FNDC3A: variants seen among roughly 807,000 people sequenced by gnomAD.
FNDC3A encodes the protein fibronectin type-III domain-containing protein 3A.
A neutral mutation model predicts 148.9 loss-of-function variants in FNDC3A; 32 were observed. The ratio of observed to expected loss-of-function variants is 0.21; its 90% CI spans 0.16 to 0.29. The LOEUF is 0.29. Among genes scored for constraint, FNDC3A ranks in the 10% least tolerant of loss-of-function variants. The pLI is 1.00. For missense variants in FNDC3A, 1,191 were observed against 1,452.8 expected, an observed-to-expected ratio of 0.82 and a Z score of 2.93; for synonymous variants, 472 against 473.6, an observed-to-expected ratio of 1.00 and a Z score of 0.04.
At chr13:49,016,142 C>G (rs529273094) in intron 2 of FNDC3A, among the ~76,000 whole-genome samples, 1 of 152,326 alleles carries the variant, frequency 6.6e-6, no homozygotes, top group East Asian at 1.9e-4. Context: ...AGGATTCCCT[C>G]TTTTTCTGTT....
intron 7 of FNDC3A, among the ~76,000 whole-genome samples, chr13:49,145,089 TAA>T (rs1882918463): frequency 6.6e-6 from 1 of 152,210 alleles, no homozygotes; most frequent in African/African-American, 2.4e-5. Flanking sequence ...ATACATATGT[TAA>T]GTTTATAGGA....
rs897199017 is a variant in FNDC3A at position 49,170,184 on chromosome 13, G to A, written c.1176+1433G>A. Reference sequence around the variant, plus strand: ...TATATACACACACAGTAATCAACATGGTTGGAAAAAGATATCATTGTCACT... The same window carrying A: ...TATATACACACACAGTAATCAACATAGTTGGAAAAAGATATCATTGTCACT... On this transcript the variant is annotated intron_variant, in intron 10 of 25. Coordinates refer to ENST00000492622, the MANE Select transcript of FNDC3A (RefSeq NM_001079673.2). Among the ~76,000 whole-genome samples, 7 of 152,146 alleles carry A rather than the reference G, an allele frequency of 4.6e-5. 1 individual carries two copies. Among genetic ancestry groups the A allele is most frequent in the African/African-American group, 1.7e-4 (7 of 41,498 alleles).
chr13:49,119,781 G>A (rs1260002456), intron 4 of FNDC3A, among the ~76,000 whole-genome samples: 1 of 151,964 alleles, frequency 6.6e-6, no homozygotes, highest in Non-Finnish European at 1.5e-5. Flanking sequence ...GTGAAGACAA[G>A]ATTAGAGAGA....
intron 19 of FNDC3A, 50 bp from the exon 20 acceptor site, chr13:49,196,826 TG>T: frequency 1.1e-6 from 1 of 929,052 alleles, no homozygotes; most frequent in Non-Finnish European, 1.7e-6. Flanking sequence ...GTGCAATCAG[TG>T]GACATTTAAG....
At chr13:49,170,411 A>G (rs539877361) in intron 10 of FNDC3A, among the ~76,000 whole-genome samples, 1 of 152,336 alleles carries the variant, frequency 6.6e-6, no homozygotes, top group Non-Finnish European at 1.5e-5. Flanking sequence ...CTAATCTAAA[A>G]GCATTCCTAT....
chr13:49,033,892 T>C (rs534535796), intron 2 of FNDC3A, among the ~76,000 whole-genome samples: 44 of 152,144 alleles, frequency 2.9e-4, no homozygotes, highest in Admixed American at 1.3e-3. Flanking sequence ...AGAATAATTT[T>C]ATTAAATCAA....
intron 8 of FNDC3A, among the ~76,000 whole-genome samples, chr13:49,152,691 C>T (rs1883390363): frequency 6.7e-6 from 1 of 149,084 alleles, no homozygotes; most frequent in South Asian, 2.2e-4. Flanking sequence ...ACCACAGTCC[C>T]CAGAGTGTGA....
intron 3 of FNDC3A, among the ~76,000 whole-genome samples, chr13:49,101,794 GTT>G (rs570292116): frequency 3.0e-4 from 31 of 103,354 alleles, no homozygotes; most frequent in African/African-American, 8.9e-4. Context: ...ACCTGCTTTA[GTT>G]TTTTTTTTTT....
intron 3 of FNDC3A, among the ~76,000 whole-genome samples, chr13:49,110,024 T>TA (rs1164363695): frequency 1.3e-5 from 2 of 152,210 alleles, no homozygotes; most frequent in Non-Finnish European, 2.9e-5. Flanking sequence ...CCTGTGGTGT[T>TA]ATTGAACACA....
At chr13:49,193,852 G>A (rs1207836881) in intron 19 of FNDC3A, among the ~76,000 whole-genome samples, 4 of 152,028 alleles carry the variant, frequency 2.6e-5, no homozygotes, top group African/African-American at 7.2e-5. Flanking sequence ...CCTGGGAGGC[G>A]GAGGTTACAG....
intron 4 of FNDC3A, among the ~76,000 whole-genome samples, chr13:49,116,733 C>G (rs1247939945): frequency 6.6e-6 from 1 of 151,462 alleles, no homozygotes; most frequent in Non-Finnish European, 1.5e-5. Context: ...TTGCAGTGAG[C>G]CGAGATCGCA....
chr13:49,145,710 G>C, intron 7 of FNDC3A, 68 bp from the exon 8 acceptor site: 2 of 1,245,896 alleles, frequency 1.6e-6, no homozygotes, highest in South Asian at 1.3e-5. Context: ...AACCTCATTA[G>C]ATATTTCACT....
At chr13:49,166,678 C>T (rs1309090498) in intron 8 of FNDC3A, among the ~76,000 whole-genome samples, 1 of 152,152 alleles carries the variant, frequency 6.6e-6, no homozygotes, top group African/African-American at 2.4e-5. Context: ...TTACCCTTTC[C>T]CCACACTGGA....
At chr13:49,116,461 TTA>T (rs1461435501) in intron 4 of FNDC3A, among the ~76,000 whole-genome samples, 1 of 152,180 alleles carries the variant, frequency 6.6e-6, no homozygotes, top group East Asian at 1.9e-4. Context: ...GCTCTGTGGT[TTA>T]TATTCTTCTG....
At position 49,145,822 on chromosome 13, in the gene FNDC3A, A is replaced by G; in HGVS notation, c.864A>G (p.Pro288=). 1 of 1,613,856 alleles carries G rather than the reference A, an allele frequency of 6.2e-7. No individual in the cohort carries two copies. The highest frequency in any genetic ancestry group is 8.5e-7 in the Non-Finnish European group (1 of 1,179,826). The change falls in exon 8 of 26, where the codon CCA becomes CCG. Residue 288 remains proline, a synonymous_variant. Transcript: ENST00000492622. ...GGACAGTAGTACTTACCTGGTCACCACCTTCCAGCCTCATTAATGGTGAAA... is the reference window on the plus strand; with the variant it reads ...GGACAGTAGTACTTACCTGGTCACCGCCTTCCAGCCTCATTAATGGTGAAA... ...QARTVVLTWS[P]PSSLINGETD...
chr13:49,114,731 G>A lies in FNDC3A; in HGVS notation c.252G>A (p.Gln84=). The change falls in exon 4 of 26, where the codon CAG becomes CAA. Residue 84 remains glutamine (Q), a splice_region_variant and synonymous_variant. Transcript: ENST00000492622. The part of the protein sequence containing the change: ...PIYVPPGYAP[Q]VIEDNGVRRV... ...ATGTGCCTCCTGGATATGCCCCACAGGTATGTTTTTATGCTATTTTTCTTT... is the reference window on the plus strand; with the variant it reads ...ATGTGCCTCCTGGATATGCCCCACAAGTATGTTTTTATGCTATTTTTCTTT... The A allele has an allele frequency of 6.3e-7, 1 of 1,594,828 alleles. No individual in the cohort carries two copies.
intron 2 of FNDC3A, among the ~76,000 whole-genome samples, chr13:49,064,033 T>G (rs1253823010): frequency 6.6e-6 from 1 of 151,956 alleles, no homozygotes. Flanking sequence ...GAAAAACAGG[T>G]AAAGGACATC....
chr13:49,140,645 A>G (rs1882637152), intron 7 of FNDC3A, among the ~76,000 whole-genome samples: 1 of 152,214 alleles, frequency 6.6e-6, no homozygotes, highest in Admixed American at 6.5e-5. Context: ...GTGTTCATTC[A>G]CTTTTTCATT....
chr13:49,017,941 C>A (rs890553452), intron 2 of FNDC3A, among the ~76,000 whole-genome samples: 1 of 152,212 alleles, frequency 6.6e-6, no homozygotes, highest in Admixed American at 6.5e-5. Flanking sequence ...CTACTCTCTT[C>A]TGGCTTGTAG....
Sources: allele counts gnomAD v4.1 joint callset (sites outside exome capture counted in the v4.1 genomes callset), GRCh38; gene constraint gnomAD v4.1.1; transcripts MANE v1.5; gene names NCBI Gene and HGNC (gene_info 2026-07-23, HGNC 2026-07-21).